The following CENPP variants were observed in gnomAD, a reference collection of about 807,000 sequenced individuals.
CENPP encodes the protein centromere protein P.
Under a neutral mutation model 35.6 loss-of-function variants are expected in CENPP, and 24 were observed. That is an observed-to-expected ratio of 0.67 (90% CI 0.49 to 0.95). The LOEUF (loss-of-function observed/expected upper bound fraction) is 0.95, where lower values mean the gene tolerates loss of function less well. Among genes scored for constraint, CENPP ranks in the 40% least tolerant of loss-of-function variants. The pLI, the probability that CENPP is intolerant of heterozygous loss-of-function variation, is 0.00. For missense variants in CENPP, 332 were observed against 345.3 expected (o/e 0.96, Z 0.31); for synonymous variants, 120 against 125.5 (o/e 0.96, Z 0.29).
Position 92,619,240 on chromosome 9 carries a change from C to T in CENPP, c.*6091C>T. The T allele has an allele frequency of 2.1e-6, 1 of 472,188 alleles. No individual in the cohort carries two copies. Among genetic ancestry groups the T allele is most frequent in the Non-Finnish European group, 3.8e-6 (1 of 259,840 alleles). 29.2% of individuals were successfully genotyped at this position (472,188 alleles called of 1,614,324 possible). On this transcript the variant is annotated 3_prime_UTR_variant, in exon 8 of 8. Transcript: ENST00000375587. ...CTCTTGGGAGTATTTTCTTAGAAAACAGTAACTTTCAATGTACTAACAATC... is the reference window on the plus strand; with the variant it reads ...CTCTTGGGAGTATTTTCTTAGAAAATAGTAACTTTCAATGTACTAACAATC...
At chr9:92,530,360 G>A (rs1848671225) in intron 5 of CENPP, among the ~76,000 whole-genome samples, 1 of 152,052 alleles carries the variant, frequency 6.6e-6, no homozygotes, top group South Asian at 2.1e-4. Context: ...GCACATATGA[G>A]AACTCTGTAC....
At chr9:92,568,374 T>C (rs1196781352) in intron 5 of CENPP, among the ~76,000 whole-genome samples, 2 of 152,198 alleles carry the variant, frequency 1.3e-5, no homozygotes, top group Non-Finnish European at 2.9e-5. Context: ...CTCAGAATGA[T>C]GGTTTCCAGC....
chr9:92,552,008 A>G (rs1460385766), intron 5 of CENPP, among the ~76,000 whole-genome samples: 1 of 146,174 alleles, frequency 6.8e-6, no homozygotes, highest in Non-Finnish European at 1.5e-5. Context: ...ATATGTGTAT[A>G]TATATGATAT....
At chr9:92,435,410 C>T (rs1291994996) in intron 5 of CENPP, among the ~76,000 whole-genome samples, 1 of 152,042 alleles carries the variant, frequency 6.6e-6, no homozygotes, top group African/African-American at 2.4e-5. Flanking sequence ...AGAAAGAAAC[C>T]GTGTACCCTT....
chr9:92,516,374 G>A (rs567058651), intron 5 of CENPP, among the ~76,000 whole-genome samples: 149 of 152,062 alleles, frequency 9.8e-4, no homozygotes, highest in Non-Finnish European at 1.9e-3. Context: ...GAGTGCATAC[G>A]TTTTCTTCCA....
chr9:92,537,328 C>T (rs1563993986), intron 5 of CENPP, among the ~76,000 whole-genome samples: 1 of 152,116 alleles, frequency 6.6e-6, no homozygotes, highest in Non-Finnish European at 1.5e-5. Flanking sequence ...ATAAGCCACT[C>T]AACTTCCTAA....
At chr9:92,415,262 C>T in intron 5 of CENPP, 1 of 1,613,754 alleles carries the variant, frequency 6.2e-7, no homozygotes, top group Non-Finnish European at 8.5e-7. Flanking sequence ...TCATCATCAT[C>T]ATCTGGAAAT....
At chr9:92,398,058 C>T (rs558487332) in intron 5 of CENPP, among the ~76,000 whole-genome samples, 4 of 152,164 alleles carry the variant, frequency 2.6e-5, no homozygotes, top group Non-Finnish European at 5.9e-5. Context: ...CGTATATTTA[C>T]TTAGTTCTGG....
chr9:92,358,588 T>C (rs1841654883), intron 4 of CENPP, among the ~76,000 whole-genome samples: 1 of 152,156 alleles, frequency 6.6e-6, no homozygotes, highest in Non-Finnish European at 1.5e-5. Flanking sequence ...TTTTTTCTTT[T>C]TATTTCTCAG....
rs904991618 is a variant in CENPP, at chr9:92,483,385, C to T, written c.564+103526C>T. Among the ~76,000 whole-genome samples the T allele has an allele frequency of 1.1e-4, 16 of 152,212 alleles. No individual in the cohort carries two copies. The East Asian group carries it at 1.7e-3, about 17-fold the overall frequency. On this transcript the variant is annotated intron_variant, in intron 5 of 7. Transcript: ENST00000375587. ...CTGGGACTGCAGGCGCCCGCCACCA[C>T]GCCTGGCTAATTTTTTGGTTTTTTA...
intron 4 of CENPP, among the ~76,000 whole-genome samples, chr9:92,367,490 G>T (rs1362269358): frequency 6.6e-6 from 1 of 151,992 alleles, no homozygotes; most frequent in Non-Finnish European, 1.5e-5. Context: ...TTTAAAAATG[G>T]TTCTACAGGA....
intron 2 of CENPP, 38 bp downstream of exon 2, chr9:92,332,389 C>A: frequency 7.3e-7 from 1 of 1,364,192 alleles, no homozygotes. Flanking sequence ...AGTATGGAAG[C>A]TTACCTTATT....
At chr9:92,548,379 G>A (rs1427253522) in intron 5 of CENPP, among the ~76,000 whole-genome samples, 1 of 152,166 alleles carries the variant, frequency 6.6e-6, no homozygotes, top group African/African-American at 2.4e-5. Flanking sequence ...GCTCAGCAAA[G>A]GGAACAAAAG....
At chr9:92,566,076 G>A (rs1340265032) in intron 5 of CENPP, among the ~76,000 whole-genome samples, 2 of 152,138 alleles carry the variant, frequency 1.3e-5, no homozygotes, top group Non-Finnish European at 2.9e-5. Context: ...GATGAGGCAG[G>A]TGGATCACGA....
chr9:92,536,497 A>C (rs1281016715), intron 5 of CENPP: 1 of 153,256 alleles, frequency 6.5e-6, no homozygotes, highest in Non-Finnish European at 1.5e-5. Context: ...AAACGACAAC[A>C]ACAAAAAAAT....
intron 5 of CENPP, among the ~76,000 whole-genome samples, chr9:92,531,670 G>A (rs1265072587): frequency 6.6e-6 from 1 of 152,022 alleles, no homozygotes; most frequent in Non-Finnish European, 1.5e-5. Flanking sequence ...ATTACCAAAT[G>A]TAACCCGCCC....
At position 92,619,993 on chromosome 9, in the gene CENPP, T is replaced by C. The variant is rs1851575875; in HGVS notation, c.*6844T>C. ...AGCGCAGGGGGTGTTCAGCAAGGCA[T>C]CGCTTAGAACGACATTCCCTCCGGA... On this transcript the variant is annotated 3_prime_UTR_variant, in exon 8 of 8. Coordinates refer to ENST00000375587, the MANE Select transcript of CENPP (RefSeq NM_001012267.3). 1 of 191,612 alleles carries C rather than the reference T, an allele frequency of 5.2e-6. No individual in the cohort carries two copies. The highest frequency in any genetic ancestry group is 5.2e-5 in the Admixed American group (1 of 19,350). The allele number at this position is 191,612 out of a possible 1,614,324, so 11.9% of individuals were successfully genotyped here.
intron 5 of CENPP, among the ~76,000 whole-genome samples, chr9:92,420,530 C>T (rs1843758611): frequency 6.6e-6 from 1 of 152,164 alleles, no homozygotes; most frequent in African/African-American, 2.4e-5. Context: ...TGTCCTGCTG[C>T]ATTTCCTTAG....
At chr9:92,437,064 T>C (rs187422885) in intron 5 of CENPP, among the ~76,000 whole-genome samples, 2 of 152,178 alleles carry the variant, frequency 1.3e-5, no homozygotes, top group East Asian at 1.9e-4. Context: ...TAGCCGGGCA[T>C]GGTGGCAGGT....
Sources: allele counts gnomAD v4.1 joint callset (sites outside exome capture counted in the v4.1 genomes callset), GRCh38; gene constraint gnomAD v4.1.1; transcripts MANE v1.5; gene names NCBI Gene and HGNC (gene_info 2026-07-23, HGNC 2026-07-21).